The following ICE2 variants were observed in gnomAD, a reference collection of about 807,000 sequenced individuals.
ICE2 encodes interactor of little elongation complex ELL subunit 2.
In ICE2, 87 loss-of-function variants were observed where a neutral mutation model predicts 105.4. The observed-to-expected ratio is 0.83, with a 90% CI of 0.69 to 0.99. The LOEUF is 0.99. ICE2 is among the 50% of genes least tolerant of loss of function. The probability of loss-of-function intolerance (pLI) is 0.00; values close to 1 mark genes in which losing one functional copy is unlikely to be tolerated. For synonymous variants in ICE2, 399 were observed against 392.0 expected, an observed-to-expected ratio of 1.02 and a Z score of -0.21; for missense variants, 1,323 against 1,146.7, an observed-to-expected ratio of 1.15 and a Z score of -2.22.
At chr15:60,429,465 T>C (rs1457624448) in intron 14 of ICE2, among the ~76,000 whole-genome samples, 1 of 152,160 alleles carries the variant, frequency 6.6e-6, no homozygotes, top group Non-Finnish European at 1.5e-5. Context: ...ATGTTGAACA[T>C]CAAATCCACA....
At position 60,428,701 on chromosome 15, in the gene ICE2, A is replaced by G. The variant is rs201875408; in HGVS notation, c.2562-14T>C. 13 of 1,610,148 alleles carry G rather than the reference A, an allele frequency of 8.1e-6. No individual in the cohort carries two copies. Among genetic ancestry groups the G allele is most frequent in the African/African-American group, 8.0e-5 (6 of 74,938 alleles). On this transcript the variant is annotated splice_polypyrimidine_tract_variant and intron_variant, in intron 14 of 15. Coordinates refer to ENST00000261520, the MANE Select transcript of ICE2 (RefSeq NM_024611.6). ...CCCTCCTGCAAGCTAAATTCACACA[A>G]TGAAACTCAACCCACTGGCTCACTG...
rs190265242 is a variant in ICE2, at chr15:60,421,358, T to A, written c.*2276A>T. ...AGCTTCCCAAGTAGCTGGGATTACA[T>A]CCTGCTAAACATATTGTCAGTTACT... On this transcript the variant is annotated 3_prime_UTR_variant, in exon 16 of 16. Transcript: ENST00000261520. 35 of 152,198 alleles carry A rather than the reference T, an allele frequency of 2.3e-4. No homozygotes were observed. The highest frequency in any genetic ancestry group is 2.2e-3 in the Admixed American group (33 of 15,282). The allele number at this position is 152,198 out of a possible 1,614,324, so 9.4% of individuals were successfully genotyped here.
At chr15:60,472,238 TG>T (rs1375795187) in intron 3 of ICE2, among the ~76,000 whole-genome samples, 1 of 152,142 alleles carries the variant, frequency 6.6e-6, no homozygotes, top group East Asian at 1.9e-4. Flanking sequence ...CTATTCGAGT[TG>T]TTCTTTCATT....
Position 60,449,519 on chromosome 15 carries a change from T to C in ICE2, c.1448A>G (p.Asn483Ser). Residue 483 changes from asparagine (N) to serine (S), a missense_variant, in exon 10 of 16, where the codon AAT becomes AGT. By Grantham distance (46) the Asn-to-Ser change is conservative. Transcript: ENST00000261520. The part of the protein sequence containing the change: ...GMDGGPEECK[N>S]KDDQGFESCE... The stretch of plus-strand genomic sequence containing the variant: ...TGATTCAAATCCCTGATCATCTTTA[T>C]TTTTGCATTCCTCAGGGCCACCATC... 1 of 1,614,176 alleles carries C rather than the reference T, an allele frequency of 6.2e-7. No individual in the cohort carries two copies.
intron 4 of ICE2, among the ~76,000 whole-genome samples, chr15:60,467,100 T>C (rs2064452432): frequency 6.6e-6 from 1 of 152,146 alleles, no homozygotes; most frequent in Non-Finnish European, 1.5e-5. Flanking sequence ...GGGCTGGCTA[T>C]ATAGGTGCCT....
intron 8 of ICE2, 130 bp downstream of exon 8, chr15:60,454,873 A>T: frequency 1.3e-6 from 1 of 752,056 alleles, no homozygotes; most frequent in Non-Finnish European, 2.0e-6. Flanking sequence ...ACCCCCTGAC[A>T]GGCCCCGGTG....
Position 60,466,701 on chromosome 15 carries a change from G to GT in ICE2, c.420dup (p.His141ThrfsTer8), listed in dbSNP as rs765377017. ...AACTCAGTAACTTCTTCGTTCACAT[G>GT]TTTTTTCATATCCTGATTTTTAAAA... On this transcript the variant is annotated frameshift_variant, in exon 5 of 16. Transcript: ENST00000261520. LOFTEE classifies it high-confidence loss of function. The GT allele has an allele frequency of 6.2e-7, 1 of 1,602,438 alleles. No individual in the cohort carries two copies. Among genetic ancestry groups the GT allele is most frequent in the East Asian group, 2.2e-5 (1 of 44,706 alleles).
intron 13 of ICE2, among the ~76,000 whole-genome samples, chr15:60,433,091 T>TG (rs972683853): frequency 9.9e-5 from 15 of 151,036 alleles, no homozygotes; most frequent in Middle Eastern, 3.4e-3. Context: ...ACACAGGTTT[T>TG]TTTTTTTTTT....
At chr15:60,434,520 T>TACACACACACACACACACAC (rs71122858) in intron 13 of ICE2, among the ~76,000 whole-genome samples, 2 of 144,824 alleles carry the variant, frequency 1.4e-5, no homozygotes, top group African/African-American at 5.3e-5. Context: ...AAAATGTGAT[T>TACACACACACACACACACAC]ACACACACAC....
At chr15:60,462,123 T>C (rs887327169) in intron 5 of ICE2, among the ~76,000 whole-genome samples, 3 of 152,226 alleles carry the variant, frequency 2.0e-5, no homozygotes, top group African/African-American at 7.2e-5. Context: ...TTCTGCTACA[T>C]GGTAAGCTAC....
In ICE2 at chr15:60,419,754, T is replaced by C. The variant is rs1273648169; in HGVS notation, c.*3880A>G. On this transcript the variant is annotated 3_prime_UTR_variant, in exon 16 of 16. Transcript: ENST00000261520. Reference sequence around the variant, plus strand: ...AAAACAAAATACTACTATATACCTATAATGCATAGAAAACGTCTTAACATC... The same window carrying C: ...AAAACAAAATACTACTATATACCTACAATGCATAGAAAACGTCTTAACATC... 1 of 152,230 alleles carries C rather than the reference T, an allele frequency of 6.6e-6. No homozygotes were observed. The highest frequency in any genetic ancestry group is 1.5e-5 in the Non-Finnish European group (1 of 68,034). The allele number at this position is 152,230 out of a possible 1,614,324, so 9.4% of individuals were successfully genotyped here. A position where few individuals can be genotyped will look rare whatever the true frequency, so the allele number is the denominator to read the frequency against.
chr15:60,470,584 C>T (rs906090369), intron 3 of ICE2, among the ~76,000 whole-genome samples: 2 of 152,164 alleles, frequency 1.3e-5, no homozygotes, highest in Admixed American at 6.5e-5. Flanking sequence ...CCATTATTAT[C>T]TCTTACCAGA....
At chr15:60,445,523 A>T (rs982483317) in intron 11 of ICE2, 2 of 937,600 alleles carry the variant, frequency 2.1e-6, no homozygotes, top group African/African-American at 1.8e-5. Context: ...TGAAAATTTT[A>T]AAATTTTATT....
intron 9 of ICE2, chr15:60,452,412 GA>G (rs1326189323): frequency 1.1e-5 from 3 of 282,426 alleles, no homozygotes; most frequent in African/African-American, 6.8e-5. Context: ...AATATAAAAT[GA>G]CCCCTTCCCC....
chr15:60,470,055 G>C (rs117766122), intron 3 of ICE2, among the ~76,000 whole-genome samples: 1 of 152,262 alleles, frequency 6.6e-6, no homozygotes, highest in East Asian at 1.9e-4. Flanking sequence ...GGAAACTAAA[G>C]AGAAAGATGG....
chr15:60,435,681 A>G (rs1166957846), intron 13 of ICE2, among the ~76,000 whole-genome samples: 5 of 151,994 alleles, frequency 3.3e-5, no homozygotes, highest in Admixed American at 6.6e-5. Flanking sequence ...CAAAACAAAC[A>G]GTACATACTG....
chr15:60,429,494 A>G (rs1464785198), intron 14 of ICE2, among the ~76,000 whole-genome samples: 1 of 152,184 alleles, frequency 6.6e-6, no homozygotes, highest in Non-Finnish European at 1.5e-5. Flanking sequence ...TTCTCCTTAT[A>G]AAGTTTTAAA....
intron 15 of ICE2, among the ~76,000 whole-genome samples, chr15:60,427,570 G>A (rs1418352621): frequency 6.6e-6 from 1 of 152,130 alleles, no homozygotes. Context: ...GATTACAGGT[G>A]TGCACCATGA....
chr15:60,449,557 C>A lies in ICE2; in HGVS notation c.1410G>T (p.Leu470=), dbSNP rs147669845. Residue 470 remains leucine (L), a synonymous_variant, in exon 10 of 16, where the codon CTG becomes CTT. Transcript: ENST00000261520. ...CAGGGCCACCATCCATACCAGTGACCAGCTGTTTCTCCTTTTGCAATTGTT... is the reference window on the plus strand; with the variant it reads ...CAGGGCCACCATCCATACCAGTGACAAGCTGTTTCTCCTTTTGCAATTGTT... The part of the protein sequence containing the change: ...LMEQLQKEKQ[L]VTGMDGGPEE... 6.2e-7 allele frequency: 1 copy of A among 1,613,974 alleles called. No individual in the cohort carries two copies. Among genetic ancestry groups the A allele is most frequent in the East Asian group, 2.2e-5 (1 of 44,892 alleles).
Sources: allele counts gnomAD v4.1 joint callset (sites outside exome capture counted in the v4.1 genomes callset), GRCh38; gene constraint gnomAD v4.1.1; transcripts MANE v1.5; gene names NCBI Gene and HGNC (gene_info 2026-07-23, HGNC 2026-07-21).